ZNF236: variants seen among roughly 807,000 people sequenced by gnomAD.
The protein encoded by ZNF236 is zinc finger protein 236.
ZNF236 carries 50 observed loss-of-function variants against 191.2 expected under a neutral mutation model. That is an observed-to-expected ratio of 0.26 (90% CI 0.21 to 0.33). The LOEUF (loss-of-function observed/expected upper bound fraction) is 0.33, where lower values mean the gene tolerates loss of function less well. Ranked by LOEUF, ZNF236 falls within the 10% of genes least tolerant of loss-of-function variation. The probability of loss-of-function intolerance (pLI) is 1.00; values close to 1 mark genes in which losing one functional copy is unlikely to be tolerated. For synonymous variants in ZNF236, 907 were observed against 928.8 expected (o/e 0.98, Z 0.43); for missense variants, 1,754 against 2,374.5 (o/e 0.74, Z 5.43).
Position 76,925,174 on chromosome 18 carries a change from C to G in ZNF236, c.3662-15C>G. ...TGCCATCGCCTCTGTTGATTCTTGG[C>G]TGGGCTTTTCACAGGTCAGAAGCTC... On this transcript the variant is annotated splice_polypyrimidine_tract_variant and intron_variant, in intron 21 of 30. Coordinates refer to ENST00000320610, the MANE Select transcript of ZNF236 (RefSeq NM_001306089.2). The surrounding 1 kb of genome is among the most constrained non-coding windows in gnomAD (Gnocchi z 5.7). 6.2e-7 allele frequency: 1 copy of G among 1,605,546 alleles called. No individual in the cohort carries two copies. Among genetic ancestry groups the G allele is most frequent in the Non-Finnish European group, 8.5e-7 (1 of 1,174,388 alleles).
intron 26 of ZNF236, among the ~76,000 whole-genome samples, chr18:76,945,288 G>T (rs1444229247): frequency 6.6e-6 from 1 of 151,894 alleles, no homozygotes; most frequent in African/African-American, 2.4e-5. Flanking sequence ...CAGTTTTTTT[G>T]GTCTTTGATT....
At chr18:76,902,455 T>C (rs1375823505) in intron 11 of ZNF236, among the ~76,000 whole-genome samples, 1 of 152,190 alleles carries the variant, frequency 6.6e-6, no homozygotes, top group African/African-American at 2.4e-5. Context: ...AGAGGAAACC[T>C]GCATCCAGGG....
In ZNF236 at chr18:76,921,677, A is replaced by G. The variant is rs1478629593; in HGVS notation, c.3558-1394A>G. On this transcript the variant is annotated intron_variant, in intron 20 of 30. Coordinates refer to ENST00000320610, the MANE Select transcript of ZNF236 (RefSeq NM_001306089.2). Reference sequence around the variant, plus strand: ...GCAGAGACAAAATGCTACCAAGGCGACATAAAGTGCTAAACATGTCTCCAT... The same window carrying G: ...GCAGAGACAAAATGCTACCAAGGCGGCATAAAGTGCTAAACATGTCTCCAT... Among the ~76,000 whole-genome samples the G allele has an allele frequency of 2.0e-5, 3 of 151,906 alleles. No individual in the cohort carries two copies. In the East Asian group the frequency reaches 5.8e-4, roughly 29 times the overall value.
In ZNF236 at chr18:76,968,419, A is replaced by C; in HGVS notation, c.*80A>C. The C allele has an allele frequency of 6.5e-7, 1 of 1,539,126 alleles. No individual in the cohort carries two copies. Among genetic ancestry groups the C allele is most frequent in the Non-Finnish European group, 8.6e-7 (1 of 1,158,048 alleles). On this transcript the variant is annotated 3_prime_UTR_variant, in exon 31 of 31. Coordinates refer to ENST00000320610, the MANE Select transcript of ZNF236 (RefSeq NM_001306089.2). ...GCAAAGCACTTGGAATCTCCGTTTTAAAGCTTCAAGTGTTAAAAATGCTAC... is the reference window on the plus strand; with the variant it reads ...GCAAAGCACTTGGAATCTCCGTTTTCAAGCTTCAAGTGTTAAAAATGCTAC...
At chr18:76,874,325 T>C (rs1029400827) in intron 5 of ZNF236, among the ~76,000 whole-genome samples, 1 of 152,164 alleles carries the variant, frequency 6.6e-6, no homozygotes, top group Non-Finnish European at 1.5e-5. Context: ...CTCAGCTGCT[T>C]TCTGTTTCTT....
At chr18:76,951,005 A>AT (rs536575544) in intron 27 of ZNF236, among the ~76,000 whole-genome samples, 229 of 152,312 alleles carry the variant, frequency 1.5e-3, no homozygotes, top group African/African-American at 5.4e-3. Flanking sequence ...GAAAGGAATC[A>AT]TTTTTTCTGA....
chr18:76,877,247 G>A (rs1198624642), intron 6 of ZNF236, among the ~76,000 whole-genome samples: 3 of 152,138 alleles, frequency 2.0e-5, no homozygotes, highest in South Asian at 4.1e-4. Context: ...GGTGGCTCAC[G>A]TCTGTAATCC....
chr18:76,953,237 G>A lies in ZNF236; in HGVS notation c.4915-2748G>A, dbSNP rs1425903530. On this transcript the variant is annotated intron_variant, in intron 27 of 30. Coordinates refer to ENST00000320610, the MANE Select transcript of ZNF236 (RefSeq NM_001306089.2). ...GGATCAAGAGACCTGACCTAACTTT[G>A]TTAGCAACTTCAAGCTATTAAATCA... Among the ~76,000 whole-genome samples the A allele has an allele frequency of 2.0e-5, 3 of 152,182 alleles. No individual in the cohort carries two copies. In the East Asian group the frequency reaches 5.8e-4, roughly 29 times the overall value.
At position 76,953,212 on chromosome 18, in the gene ZNF236, G is replaced by T. The variant is rs1599423134; in HGVS notation, c.4915-2773G>T. On this transcript the variant is annotated intron_variant, in intron 27 of 30. Transcript: ENST00000320610. The stretch of plus-strand genomic sequence containing the variant: ...AATTTCTGCCTGACCCTTCCCATAA[G>T]GATCAAGAGACCTGACCTAACTTTG... Among the ~76,000 whole-genome samples the T allele has an allele frequency of 3.9e-5, 6 of 152,290 alleles. No homozygotes were observed. In the South Asian group the frequency reaches 1.2e-3, roughly 32 times the overall value.
intron 13 of ZNF236, among the ~76,000 whole-genome samples, chr18:76,906,906 A>C (rs1413436032): frequency 1.3e-5 from 2 of 152,178 alleles, no homozygotes; most frequent in African/African-American, 4.8e-5. Flanking sequence ...TTCCCAAAAT[A>C]CCACATATAC....
chr18:76,950,114 G>A (rs986126906), intron 27 of ZNF236, among the ~76,000 whole-genome samples: 4 of 152,174 alleles, frequency 2.6e-5, no homozygotes, highest in Non-Finnish European at 2.9e-5. Context: ...CAAGGTGGTG[G>A]TTGTTGAAGT....
intron 26 of ZNF236, 123 bp from the exon 27 acceptor site, chr18:76,947,398 C>T (rs973994617): frequency 3.4e-5 from 40 of 1,191,082 alleles, no homozygotes; most frequent in African/African-American, 1.4e-4. Context: ...GGTGACTCCA[C>T]GGTTCACTTT....
chr18:76,854,434 CATT>C (rs1975983884), intron 3 of ZNF236, among the ~76,000 whole-genome samples: 1 of 152,118 alleles, frequency 6.6e-6, no homozygotes, highest in Non-Finnish European at 1.5e-5. Flanking sequence ...AGTTATCACT[CATT>C]ATCAAATATT....
rs374095163 is a variant in ZNF236, at chr18:76,947,688, G to A, written c.4914+36G>A. On this transcript the variant is annotated intron_variant, in intron 27 of 30. Transcript: ENST00000320610. ...TTCCTTCATTCACAGAGCTTTTGTC[G>A]CTTTTAAAAACATACAGATTCAGAA... is the stretch of plus-strand genomic sequence containing the variant. 2.7e-5 allele frequency: 43 copies of A among 1,604,986 alleles called. No homozygotes were observed. In the African/African-American group the frequency reaches 2.9e-4, roughly 11 times the overall value.
At position 76,927,555 on chromosome 18, in the gene ZNF236, A is replaced by G. The variant is rs1390073170; in HGVS notation, c.4414+38A>G. 1 of 1,584,938 alleles carries G rather than the reference A, an allele frequency of 6.3e-7. No individual in the cohort carries two copies. Among genetic ancestry groups the G allele is most frequent in the East Asian group, 2.2e-5 (1 of 44,454 alleles). ...CACTTTTGCTTATTTTGACAGCTGG[A>G]GTTTCAGTTTCTTGCTTGTGATTAC... is the stretch of plus-strand genomic sequence containing the variant. On this transcript the variant is annotated intron_variant, in intron 24 of 30. Transcript: ENST00000320610. This position sits in a 1 kb window ranked among gnomAD's most constrained non-coding sequence, Gnocchi z 5.4.
chr18:76,938,407 T>G (rs1968052652), intron 26 of ZNF236, among the ~76,000 whole-genome samples: 2 of 152,250 alleles, frequency 1.3e-5, no homozygotes, highest in East Asian at 3.9e-4. Flanking sequence ...AAGCTGAGGT[T>G]GTTTTCACCA....
chr18:76,849,813 T>C, intron 2 of ZNF236, 145 bp downstream of exon 2: 2 of 774,422 alleles, frequency 2.6e-6, no homozygotes, highest in Non-Finnish European at 1.8e-6. Context: ...TTTGGCCTTT[T>C]TAAAAGTTGT....
intron 25 of ZNF236, among the ~76,000 whole-genome samples, chr18:76,933,329 G>A (rs189343202): frequency 2.9e-4 from 44 of 152,196 alleles, no homozygotes; most frequent in Non-Finnish European, 5.3e-4. Context: ...AATTAGCTGG[G>A]CTTGGTGGCG....
At chr18:76,948,446 G>A (rs577115210) in intron 27 of ZNF236, among the ~76,000 whole-genome samples, 1 of 152,286 alleles carries the variant, frequency 6.6e-6, no homozygotes, top group East Asian at 1.9e-4. Context: ...TGTGTCTGGG[G>A]TCCCCAAGAC....
Sources: gnomAD v4.1 joint callset for allele counts (sites outside exome capture counted in the v4.1 genomes callset) on GRCh38, gnomAD v4.1.1 for gene constraint, Gnocchi (gnomAD v3.1) non-coding constraint, MANE v1.5 for transcripts, NCBI Gene and HGNC (gene_info 2026-07-23, HGNC 2026-07-21) for gene names.